SLC37A1: variants seen among roughly 807,000 people sequenced by gnomAD.
SLC37A1 encodes solute carrier family 37 member 1, also known as glucose-6-phosphate exchanger SLC37A1.
Under a neutral mutation model 75.3 loss-of-function variants are expected in SLC37A1, and 49 were observed. That is an observed-to-expected ratio of 0.65 (90% CI 0.52 to 0.83). SLC37A1 has a LOEUF of 0.83. SLC37A1 is among the 40% of genes least tolerant of loss of function. The pLI is 0.00. For synonymous variants in SLC37A1, 268 were observed against 292.1 expected, an observed-to-expected ratio of 0.92 and a Z score of 0.84; for missense variants, 566 against 695.0, an observed-to-expected ratio of 0.81 and a Z score of 2.09.
At chr21:42,563,680 C>T in intron 12 of SLC37A1, 135 bp from the exon 13 acceptor site, 1 of 708,300 alleles carries the variant, frequency 1.4e-6, no homozygotes, top group Non-Finnish European at 2.5e-6. Flanking sequence ...TCTGAGTTAA[C>T]TACTAATTGC....
rs1378861804 is a variant in SLC37A1, at chr21:42,572,677, C to CACACAAAAAAAAA, written c.1424-2140_1424-2139insCACAAAAAAAAAA. ...TAACAGGTTTTCAGCCACACACACA[C>CACACAAAAAAAAA]AAAAAAAAAAAAAAGAGTGTGTCCT... On this transcript the variant is annotated intron_variant, in intron 17 of 19. Coordinates refer to ENST00000352133, the MANE Select transcript of SLC37A1 (RefSeq NM_001320537.2). Among the ~76,000 whole-genome samples the CACACAAAAAAAAA allele has an allele frequency of 2.0e-3, 164 of 80,432 alleles. 1 individual carries two copies. The highest frequency in any genetic ancestry group is 6.3e-3 in the African/African-American group (155 of 24,784). 52.8% of individuals were successfully genotyped at this position (80,432 alleles called of 152,430 possible).
At chr21:42,569,972 TCCTTGTTCTGG>T in intron 17 of SLC37A1, among the ~76,000 whole-genome samples, 1 of 152,372 alleles carries the variant, frequency 6.6e-6, no homozygotes, top group African/African-American at 2.4e-5. Flanking sequence ...GTTCTGCGTT[TCCTTGTTCTGG>T]CCTTGTTCTG....
chr21:42,528,395 G>A (rs1601683880), intron 3 of SLC37A1, among the ~76,000 whole-genome samples: 1 of 152,178 alleles, frequency 6.6e-6, no homozygotes, highest in Admixed American at 6.5e-5. Context: ...TTTTCACCTG[G>A]ACTGGGCCAG....
intron 10 of SLC37A1, among the ~76,000 whole-genome samples, chr21:42,555,986 A>C (rs775805849): frequency 1.3e-5 from 2 of 152,154 alleles, no homozygotes; most frequent in Non-Finnish European, 2.9e-5. Flanking sequence ...CCTTTCCCAG[A>C]GTGACCGCTG....
At chr21:42,574,023 T>C (rs1041213511) in intron 17 of SLC37A1, among the ~76,000 whole-genome samples, 3 of 152,216 alleles carry the variant, frequency 2.0e-5, no homozygotes, top group Non-Finnish European at 4.4e-5. Flanking sequence ...ACCCGTGTTT[T>C]TACACACACA....
intron 3 of SLC37A1, among the ~76,000 whole-genome samples, chr21:42,531,263 T>C (rs1035475326): frequency 1.3e-5 from 2 of 152,242 alleles, no homozygotes; most frequent in Non-Finnish European, 2.9e-5. Context: ...CTGGCGGTTT[T>C]CTGTGTTCTT....
At chr21:42,543,770 C>T in intron 8 of SLC37A1, among the ~76,000 whole-genome samples, 168 bp downstream of exon 8, 1 of 152,234 alleles carries the variant, frequency 6.6e-6, no homozygotes, top group East Asian at 1.9e-4. Context: ...AGCCGGTTCT[C>T]TCCTGGTTTT....
intron 17 of SLC37A1, among the ~76,000 whole-genome samples, chr21:42,570,105 GTGGT>G (rs2056100451): frequency 2.0e-5 from 2 of 100,184 alleles, no homozygotes; most frequent in African/African-American, 3.0e-5. Context: ...GTTCTGAGAA[GTGGT>G]GGGCAGGGTG....
Position 42,575,165 on chromosome 21 carries a change from G to A in SLC37A1, c.1521+250G>A, listed in dbSNP as rs926267601. On this transcript the variant is annotated intron_variant, in intron 18 of 19. Transcript: ENST00000352133. ...ACAAAGGCCAGGAGCGTGGAGCTCC[G>A]TGGCTCTAGATCCTGCCTGTCACCT... The A allele has an allele frequency of 8.4e-5, 83 of 984,694 alleles. 1 individual carries two copies. The Admixed American group carries it at 1.3e-3, about 15-fold the overall frequency. The allele number at this position is 984,694 out of a possible 1,614,324, so 61.0% of individuals were successfully genotyped here. A position where few individuals can be genotyped will look rare whatever the true frequency, so the allele number is the denominator to read the frequency against.
chr21:42,520,000 ATGTT>A (rs1408007504), intron 2 of SLC37A1, among the ~76,000 whole-genome samples: 3 of 149,428 alleles, frequency 2.0e-5, no homozygotes, highest in African/African-American at 5.0e-5. Context: ...GTGTAGATGT[ATGTT>A]TGTACACACA....
intron 6 of SLC37A1, among the ~76,000 whole-genome samples, chr21:42,540,952 A>G (rs2055265152): frequency 6.6e-6 from 1 of 152,224 alleles, no homozygotes; most frequent in African/African-American, 2.4e-5. Context: ...AGAGGCAGCA[A>G]CAGTTAGACC....
At chr21:42,525,458 G>A (rs188556002) in intron 2 of SLC37A1, among the ~76,000 whole-genome samples, 79 of 152,348 alleles carry the variant, frequency 5.2e-4, no homozygotes, top group African/African-American at 1.7e-3. Context: ...AGTGTCAGCT[G>A]GAGAATTGCT....
rs77253423 is a variant in SLC37A1 at position 42,550,158 on chromosome 21, G to T, written c.768+3018G>T. Among the ~76,000 whole-genome samples, 612 of 152,304 alleles carry T rather than the reference G, an allele frequency of 4.0e-3. 29 individuals are homozygous for T. In the East Asian group the frequency reaches 0.1, roughly 25 times the overall value. On this transcript the variant is annotated intron_variant, in intron 9 of 19. Transcript: ENST00000352133. Reference sequence around the variant, plus strand: ...AATGGCAAAGAATAGAAAAACAGTAGAGAAAATCAATGAAACCAAAAGTTG... The same window carrying T: ...AATGGCAAAGAATAGAAAAACAGTATAGAAAATCAATGAAACCAAAAGTTG...
upstream of SLC37A1, among the ~76,000 whole-genome samples, chr21:42,513,177 C>A (rs2054456858): frequency 6.6e-6 from 1 of 152,102 alleles, no homozygotes; most frequent in Non-Finnish European, 1.5e-5. Flanking sequence ...ACTGGCCAGG[C>A]CCCTCCCTGG....
intron 2 of SLC37A1, among the ~76,000 whole-genome samples, chr21:42,504,945 A>T (rs531810320): frequency 1.6e-4 from 24 of 152,230 alleles, no homozygotes; most frequent in African/African-American, 5.5e-4. Context: ...ACCAATCTCC[A>T]AATCCTGGAG....
chr21:42,556,566 A>T (rs949415796), intron 10 of SLC37A1, among the ~76,000 whole-genome samples: 1 of 152,006 alleles, frequency 6.6e-6, no homozygotes, highest in East Asian at 1.9e-4. Flanking sequence ...AGTAGAGGGA[A>T]CCCTTTTCTC....
intron 18 of SLC37A1, among the ~76,000 whole-genome samples, chr21:42,579,088 T>C (rs2056364349): frequency 1.3e-5 from 2 of 152,250 alleles, no homozygotes; most frequent in Non-Finnish European, 2.9e-5. Context: ...ATCATTTGTC[T>C]GGATTTGTAG....
At chr21:42,563,124 G>C (rs1222462983) in intron 12 of SLC37A1, among the ~76,000 whole-genome samples, 1 of 152,152 alleles carries the variant, frequency 6.6e-6, no homozygotes, top group East Asian at 1.9e-4. Context: ...TGGATCCTGA[G>C]GTTCCTTCCC....
At position 42,565,861 on chromosome 21, in the gene SLC37A1, T is replaced by G. The variant is rs1379417853; in HGVS notation, c.1256T>G (p.Leu419Arg). The G allele has an allele frequency of 2.5e-6, 4 of 1,614,098 alleles. No homozygotes were observed. Residue 419 changes from leucine (L) to arginine (R), a missense_variant, in exon 15 of 20, where the codon CTT becomes CGT. Leu to Arg is a moderately radical substitution (Grantham distance 102). Transcript: ENST00000352133. ...TTCTCCACCGTCAGCAAGATGGGGCTTGAGGCCACCATCGGTGAGTATGGA... is the reference window on the plus strand; with the variant it reads ...TTCTCCACCGTCAGCAAGATGGGGCGTGAGGCCACCATCGGTGAGTATGGA... ...YIFSTVSKMG[L>R]EATIAMLLLS...
Sources: gnomAD v4.1 joint callset for allele counts (sites outside exome capture counted in the v4.1 genomes callset) on GRCh38, gnomAD v4.1.1 for gene constraint, MANE v1.5 for transcripts, NCBI Gene and HGNC (gene_info 2026-07-23, HGNC 2026-07-21) for gene names.